PLXDC2: variants seen among roughly 807,000 people sequenced by gnomAD.
PLXDC2 encodes plexin domain containing 2, also known as plexin domain-containing protein 2.
PLXDC2 carries 40 observed loss-of-function variants against 68.9 expected under a neutral mutation model. The ratio of observed to expected loss-of-function variants is 0.58; its 90% CI spans 0.45 to 0.76. PLXDC2 has a LOEUF of 0.76. PLXDC2 is among the 30% of genes least tolerant of loss of function. PLXDC2 has a pLI of 0.00. For missense variants in PLXDC2, 644 were observed against 661.9 expected (o/e 0.97, Z 0.30); for synonymous variants, 243 against 234.2 (o/e 1.04, Z -0.34).
Position 20,217,596 on chromosome 10 carries a change from C to CCTGGCAA in PLXDC2, c.1273+20_1273+21insCTGGCAA. Reference sequence around the variant, plus strand: ...CAGAAGGTACCCAAGAGATAGTTTGCTTTTTTTTTTTTTTTTTTTTTTTTT... The same window carrying CCTGGCAA: ...CAGAAGGTACCCAAGAGATAGTTTGCCTGGCAATTTTTTTTTTTTTTTTTTTTTTTTT... On this transcript the variant is annotated intron_variant, in intron 11 of 13. Coordinates refer to ENST00000377252, the MANE Select transcript of PLXDC2 (RefSeq NM_032812.9). 1.3e-6 allele frequency: 1 copy of CCTGGCAA among 783,780 alleles called. No homozygotes were observed. The highest frequency in any genetic ancestry group is 1.5e-6 in the Non-Finnish European group (1 of 647,416). 48.6% of individuals were successfully genotyped at this position (783,780 alleles called of 1,614,324 possible).
rs556249247 is a variant in PLXDC2, at chr10:20,011,509, T to C, written c.324+9523T>C. ...TGGAGTTACCAGGGCTCAAGGAATA[T>C]TGAATTCAGCTCAGCTCATGTCCCT... On this transcript the variant is annotated intron_variant, in intron 2 of 13. Transcript: ENST00000377252. Among the ~76,000 whole-genome samples, 4 of 152,300 alleles carry C rather than the reference T, an allele frequency of 2.6e-5. No homozygotes were observed. In the East Asian group the frequency reaches 7.7e-4, roughly 29 times the overall value.
intron 12 of PLXDC2, among the ~76,000 whole-genome samples, chr10:20,222,955 A>G (rs1377590557): frequency 2.0e-5 from 3 of 152,212 alleles, no homozygotes; most frequent in Admixed American, 6.5e-5. Context: ...CAGATAGTTT[A>G]TCTGTCTCTT....
rs1030119091 is a variant in PLXDC2, at chr10:19,916,138, T to G, written c.113-85637T>G. ...TGGAGGGAGTTGTGTTTTGTTTTGT[T>G]TTTTTTTTTTAATGGAGTCTCACTC... On this transcript the variant is annotated intron_variant, in intron 1 of 13. Transcript: ENST00000377252. Among the ~76,000 whole-genome samples, 277 of 147,720 alleles carry G rather than the reference T, an allele frequency of 1.9e-3. 1 individual carries two copies. Among genetic ancestry groups the G allele is most frequent in the African/African-American group, 6.0e-3 (243 of 40,194 alleles).
At chr10:20,132,756 T>C (rs1347778740) in intron 4 of PLXDC2, among the ~76,000 whole-genome samples, 2 of 95,666 alleles carry the variant, frequency 2.1e-5, no homozygotes, top group East Asian at 6.1e-4. Context: ...GTAAAGAACA[T>C]ATAGTTTGAT....
chr10:20,161,279 G>T (rs1834287245), intron 6 of PLXDC2, among the ~76,000 whole-genome samples: 1 of 151,870 alleles, frequency 6.6e-6, no homozygotes, highest in Non-Finnish European at 1.5e-5. Flanking sequence ...CTGGTGGACT[G>T]GCTGGGAGCT....
intron 5 of PLXDC2, among the ~76,000 whole-genome samples, chr10:20,146,133 A>G (rs1418738867): frequency 6.6e-6 from 1 of 152,116 alleles, no homozygotes; most frequent in Admixed American, 6.5e-5. Context: ...CCTCTGGTTC[A>G]TTGTTTTCAC....
At chr10:19,824,101 A>C (rs546365895) in intron 1 of PLXDC2, among the ~76,000 whole-genome samples, 1 of 152,220 alleles carries the variant, frequency 6.6e-6, no homozygotes, top group Non-Finnish European at 1.5e-5. Flanking sequence ...TCTGCTCCCC[A>C]AGATATTATG....
At chr10:20,243,024 C>A (rs1835538525) in intron 12 of PLXDC2, among the ~76,000 whole-genome samples, 1 of 152,032 alleles carries the variant, frequency 6.6e-6, no homozygotes, top group South Asian at 2.1e-4. Context: ...AATGTTAATT[C>A]TTTAACTGTT....
rs1238957064 is a variant in PLXDC2, at chr10:20,185,776, A to C, written c.1061+8367A>C. Among the ~76,000 whole-genome samples, 15 of 151,974 alleles carry C rather than the reference A, an allele frequency of 9.9e-5. 1 individual carries two copies. The highest frequency in any genetic ancestry group is 9.2e-4 in the Admixed American group (14 of 15,208). ...ACTTTAGTGATTAGTTGTGAAATTC[A>C]TACCTAATAATCAAAATGAAAGCTA... On this transcript the variant is annotated intron_variant, in intron 9 of 13. Coordinates refer to ENST00000377252, the MANE Select transcript of PLXDC2 (RefSeq NM_032812.9).
chr10:20,163,500 C>T (rs1564338545), intron 6 of PLXDC2, among the ~76,000 whole-genome samples: 2 of 152,058 alleles, frequency 1.3e-5, no homozygotes, highest in Non-Finnish European at 2.9e-5. Flanking sequence ...TTATGGCTTA[C>T]ACAGCAATAT....
At chr10:20,019,188 G>C (rs41459151) in intron 2 of PLXDC2, among the ~76,000 whole-genome samples, 17,571 of 152,176 alleles carry the variant, frequency 0.12, 1,248 homozygotes, top group Admixed American at 0.18. Flanking sequence ...GACTGTTTTA[G>C]GGGCAAACTT....
At chr10:20,277,695 A>G (rs1239071650) in intron 13 of PLXDC2, among the ~76,000 whole-genome samples, 2 of 152,220 alleles carry the variant, frequency 1.3e-5, no homozygotes, top group Non-Finnish European at 2.9e-5. Flanking sequence ...TGAAGGGATT[A>G]TAAAAGAATA....
At chr10:20,185,159 G>GAAA (rs1834664545) in intron 9 of PLXDC2, among the ~76,000 whole-genome samples, 1 of 27,914 alleles carries the variant, frequency 3.6e-5, no homozygotes, top group Non-Finnish European at 6.4e-5. Flanking sequence ...AGAACTGAAA[G>GAAA]GAAAAAAAAA....
intron 5 of PLXDC2, among the ~76,000 whole-genome samples, chr10:20,145,348 A>G (rs1312124009): frequency 2.0e-5 from 3 of 152,226 alleles, no homozygotes; most frequent in Non-Finnish European, 4.4e-5. Flanking sequence ...AGCCCTTTTA[A>G]TACCACAACA....
intron 2 of PLXDC2, among the ~76,000 whole-genome samples, chr10:20,010,520 C>CATGGAACAATAAACAGCTCTTTATTG (rs1835094538): frequency 1.3e-5 from 2 of 151,908 alleles, no homozygotes; most frequent in South Asian, 4.2e-4. Context: ...TTTATTGAAA[C>CATGGAACAATAAACAGCTCTTTATTG]AAAAATGGAA....
Position 20,279,907 on chromosome 10 carries a change from C to T in PLXDC2, c.*88C>T. ...TACCTTTAAGACAAACAAACAAACA[C>T]ACACACAAACAAGCTCTAAGCTGCT... On this transcript the variant is annotated 3_prime_UTR_variant, in exon 14 of 14. Coordinates refer to ENST00000377252, the MANE Select transcript of PLXDC2 (RefSeq NM_032812.9). 1.1e-6 allele frequency: 1 copy of T among 933,384 alleles called. No homozygotes were observed. The highest frequency in any genetic ancestry group is 1.7e-6 in the Non-Finnish European group (1 of 580,870). 57.8% of individuals were successfully genotyped at this position (933,384 alleles called of 1,614,324 possible).
At chr10:20,156,066 A>G (rs1589656831) in intron 6 of PLXDC2, among the ~76,000 whole-genome samples, 1 of 151,676 alleles carries the variant, frequency 6.6e-6, no homozygotes, top group South Asian at 2.1e-4. Context: ...TCTCCCCCAA[A>G]CCCAGGGTGT....
intron 12 of PLXDC2, among the ~76,000 whole-genome samples, chr10:20,219,928 T>A (rs1372159146): frequency 6.6e-6 from 1 of 152,140 alleles, no homozygotes; most frequent in African/African-American, 2.4e-5. Context: ...ATGTTAAGCA[T>A]GTTTTTCTCT....
intron 1 of PLXDC2, among the ~76,000 whole-genome samples, chr10:19,845,768 A>G (rs998980912): frequency 7.2e-5 from 11 of 152,138 alleles, no homozygotes; most frequent in Admixed American, 5.9e-4. Context: ...GCAAATCAGG[A>G]GGCAGTTCAT....
Sources: gnomAD v4.1 joint callset for allele counts (sites outside exome capture counted in the v4.1 genomes callset) on GRCh38, gnomAD v4.1.1 for gene constraint, MANE v1.5 for transcripts, NCBI Gene and HGNC (gene_info 2026-07-23, HGNC 2026-07-21) for gene names.